Variants in STARD3NL observed in about 807,000 individuals in gnomAD.
STARD3NL encodes STARD3 N-terminal-like protein.
A neutral mutation model predicts 30.9 loss-of-function variants in STARD3NL; 17 were observed. The ratio of observed to expected loss-of-function variants is 0.55; its 90% CI spans 0.38 to 0.82. The LOEUF (loss-of-function observed/expected upper bound fraction) is 0.82. STARD3NL is among the 40% of genes least tolerant of loss of function. STARD3NL has a pLI of 0.00. For synonymous variants in STARD3NL, 112 were observed against 100.5 expected, an observed-to-expected ratio of 1.11 and a Z score of -0.69; for missense variants, 234 against 277.6, an observed-to-expected ratio of 0.84 and a Z score of 1.12.
At chr7:38,207,325 A>G in intron 1 of STARD3NL, 122 bp from the exon 2 acceptor site, 1 of 589,124 alleles carries the variant, frequency 1.7e-6, no homozygotes. Context: ...CTTCATGAAA[A>G]CATAAATCAG....
In STARD3NL at chr7:38,212,209, G is replaced by A. The variant is rs991236228; in HGVS notation, c.226-2148G>A. On this transcript the variant is annotated intron_variant, in intron 2 of 8. Transcript: ENST00000009041. ...AAATCCAAATGTCGTACTTTGGCTT[G>A]CAGAGGCCCCAGAAGCCTCTCAGAC... Among the ~76,000 whole-genome samples the A allele has an allele frequency of 2.0e-5, 3 of 152,152 alleles. No homozygotes were observed. In the South Asian group the frequency reaches 6.2e-4, roughly 32 times the overall value.
At chr7:38,210,851 G>A (rs1025777299) in intron 2 of STARD3NL, among the ~76,000 whole-genome samples, 6 of 152,250 alleles carry the variant, frequency 3.9e-5, no homozygotes, top group Middle Eastern at 3.4e-3. Context: ...TCTAACTGGC[G>A]TTCTAGAAAA....
At chr7:38,187,854 G>T (rs1784524703) in intron 1 of STARD3NL, among the ~76,000 whole-genome samples, 1 of 152,034 alleles carries the variant, frequency 6.6e-6, no homozygotes, top group South Asian at 2.1e-4. Context: ...TCACTAAATA[G>T]CACATCCATC....
intron 2 of STARD3NL, among the ~76,000 whole-genome samples, chr7:38,210,480 G>A (rs1785735220): frequency 6.6e-6 from 1 of 152,142 alleles, no homozygotes; most frequent in South Asian, 2.1e-4. Flanking sequence ...CAAATGCAGG[G>A]CTCGGTGAGC....
intron 1 of STARD3NL, among the ~76,000 whole-genome samples, chr7:38,184,500 G>C (rs1363657710): frequency 2.0e-5 from 3 of 151,550 alleles, no homozygotes. Flanking sequence ...GCAAGAGCGG[G>C]AGCAAGAGAG....
At chr7:38,208,869 G>C (rs1009790904) in intron 2 of STARD3NL, among the ~76,000 whole-genome samples, 24 of 152,140 alleles carry the variant, frequency 1.6e-4, no homozygotes, top group African/African-American at 5.3e-4. Context: ...TTTTTGATTA[G>C]TATTCTAATT....
At position 38,217,075 on chromosome 7, in the gene STARD3NL, G is replaced by A. The variant is rs562214446; in HGVS notation, c.432G>A (p.Ser144=). ...TTTTACTAGCAAAAGTGATCCTTTC[G>A]AAGGTATGGCCTACCACTTTTTCTA... The part of the protein sequence containing the change: ...SAFLLAKVIL[S]KLFSQGAFGY... Residue 144 remains serine (S), a synonymous_variant, in exon 5 of 9, where the codon TCG becomes TCA. Transcript: ENST00000009041. 125 of 1,614,058 alleles carry A rather than the reference G, an allele frequency of 7.7e-5. No individual in the cohort carries two copies. The South Asian group carries it at 1.1e-3, about 15-fold the overall frequency.
intron 1 of STARD3NL, among the ~76,000 whole-genome samples, chr7:38,189,171 A>G (rs1192480897): frequency 1.1e-4 from 16 of 152,190 alleles, no homozygotes; most frequent in Non-Finnish European, 2.1e-4. Flanking sequence ...AAAGCATTCA[A>G]GAGTGAGAAG....
At chr7:38,187,492 T>C (rs1784510312) in intron 1 of STARD3NL, among the ~76,000 whole-genome samples, 1 of 152,202 alleles carries the variant, frequency 6.6e-6, no homozygotes, top group Non-Finnish European at 1.5e-5. Flanking sequence ...GTATTACCTT[T>C]GAATCCTTTT....
intron 7 of STARD3NL, among the ~76,000 whole-genome samples, chr7:38,227,657 A>G (rs1786848196): frequency 6.6e-6 from 1 of 152,108 alleles, no homozygotes; most frequent in Non-Finnish European, 1.5e-5. Flanking sequence ...GTCTTCTCTC[A>G]GGGCCTCCTC....
chr7:38,210,019 GT>G (rs913203840), intron 2 of STARD3NL, among the ~76,000 whole-genome samples: 42 of 152,290 alleles, frequency 2.8e-4, no homozygotes, highest in Admixed American at 2.5e-3. Flanking sequence ...TAGTATGATT[GT>G]TTTTCGATGC....
chr7:38,199,162 T>C (rs1436211231), intron 1 of STARD3NL, among the ~76,000 whole-genome samples: 1 of 152,226 alleles, frequency 6.6e-6, no homozygotes, highest in Non-Finnish European at 1.5e-5. Flanking sequence ...ACAGTTGGGA[T>C]AAATTCTGAA....
chr7:38,221,268 C>G (rs150220548), intron 7 of STARD3NL, among the ~76,000 whole-genome samples: 294 of 152,240 alleles, frequency 1.9e-3, no homozygotes, highest in African/African-American at 6.6e-3. Flanking sequence ...AGGTGCTGTT[C>G]TAAGCTTTAT....
intron 1 of STARD3NL, among the ~76,000 whole-genome samples, chr7:38,192,334 G>A (rs891150388): frequency 2.6e-5 from 4 of 152,070 alleles, no homozygotes; most frequent in East Asian, 1.9e-4. Flanking sequence ...AAAAGTATGC[G>A]GCATGATAGA....
At chr7:38,204,728 T>C (rs1785361603) in intron 1 of STARD3NL, among the ~76,000 whole-genome samples, 1 of 152,012 alleles carries the variant, frequency 6.6e-6, no homozygotes. Flanking sequence ...ACAAAATTGA[T>C]AGACCGCTAG....
rs755683427 is a variant in STARD3NL at position 38,215,054 on chromosome 7, G to A, written c.330G>A (p.Val110=). ...TTCTGGCAGTTTTTCGATTTAAAGTGTTAATACTTGCATATGCTGTGTGCA... is the reference window on the plus strand; with the variant it reads ...TTCTGGCAGTTTTTCGATTTAAAGTATTAATACTTGCATATGCTGTGTGCA... ...IFLLAVFRFK[V]LILAYAVCRL... is the part of the protein sequence containing the mutation. Residue 110 remains valine, a synonymous_variant, in exon 4 of 9, where the codon GTG becomes GTA. Transcript: ENST00000009041. The A allele has an allele frequency of 6.2e-7, 1 of 1,613,964 alleles. No homozygotes were observed. The highest frequency in any genetic ancestry group is 8.5e-7 in the Non-Finnish European group (1 of 1,179,912).
Position 38,230,409 on chromosome 7 carries a change from A to C in STARD3NL, c.*504A>C, listed in dbSNP as rs1034666384. On this transcript the variant is annotated 3_prime_UTR_variant, in exon 9 of 9. Transcript: ENST00000009041. Reference sequence around the variant, plus strand: ...AAAGTGTAATAAAATCTGACATGTCAATGTGGCTAGTTTTATTTTTCTTGT... The same window carrying C: ...AAAGTGTAATAAAATCTGACATGTCCATGTGGCTAGTTTTATTTTTCTTGT... The C allele has an allele frequency of 6.6e-6, 1 of 152,592 alleles. No individual in the cohort carries two copies. The highest frequency in any genetic ancestry group is 6.5e-5 in the Admixed American group (1 of 15,274). 9.5% of individuals were successfully genotyped at this position (152,592 alleles called of 1,614,324 possible). A position where few individuals can be genotyped will look rare whatever the true frequency, so the allele number is the denominator to read the frequency against.
intron 1 of STARD3NL, among the ~76,000 whole-genome samples, chr7:38,205,265 A>C (rs1046984926): frequency 1.3e-5 from 2 of 152,146 alleles, no homozygotes. Context: ...GAATCCAGCA[A>C]CACATCAAAA....
At chr7:38,213,480 C>G (rs1785927144) in intron 2 of STARD3NL, among the ~76,000 whole-genome samples, 1 of 152,144 alleles carries the variant, frequency 6.6e-6, no homozygotes, top group African/African-American at 2.4e-5. Context: ...GAATTTGAAC[C>G]TGGCAAAGGT....
Sources: allele counts gnomAD v4.1 joint callset (sites outside exome capture counted in the v4.1 genomes callset), GRCh38; gene constraint gnomAD v4.1.1; transcripts MANE v1.5; gene names NCBI Gene and HGNC (gene_info 2026-07-23, HGNC 2026-07-21).